Variants in MAGEB10 observed in about 807,000 individuals in gnomAD.
MAGEB10 encodes MAGE family member B10.
For synonymous variants in MAGEB10, 99 were observed against 101.0 expected (o/e 0.98, Z 0.12); for missense variants, 190 against 261.9 (o/e 0.73, Z 1.89).
chrX:27,815,223 T>C (rs752797307), intron 1 of MAGEB10, among the ~76,000 whole-genome samples: 2 of 112,387 alleles, frequency 1.8e-5, no homozygotes, highest in African/African-American at 3.2e-5. Context: ...CTGCTCCCTA[T>C]GGGAAAGAAA....
rs1923881959 is a variant in MAGEB10 at position 27,821,368 on chromosome X, G to A, written c.62G>A (p.Gly21Glu). Residue 21 changes from glycine (G) to glutamate (E), a missense_variant, in exon 3 of 3, where the codon GGG (glycine) becomes GAG (glutamate). By Grantham distance (98) the Gly-to-Glu change is moderately conservative. Coordinates refer to ENST00000356790, the MANE Select transcript of MAGEB10 (RefSeq NM_182506.3). ...GAAAAACGCCGTCAGGCCCGAGGAG[G>A]GCTGGAAGATTTGATAGATGCTCTG... ...AREKRRQARG[G>E]LEDLIDALDI... 1 of 1,209,913 alleles carries A rather than the reference G, an allele frequency of 8.3e-7. No homozygotes were observed. The highest frequency in any genetic ancestry group is 1.8e-5 in the African/African-American group (1 of 57,114).
chrX:27,815,552 CTTAT>C (rs948410842), intron 1 of MAGEB10, among the ~76,000 whole-genome samples: 2 of 111,919 alleles, frequency 1.8e-5, no homozygotes, highest in African/African-American at 6.5e-5. Flanking sequence ...AATCTGGTGA[CTTAT>C]TTGAGACTAG....
Sources: allele counts gnomAD v4.1 joint callset (sites outside exome capture counted in the v4.1 genomes callset), GRCh38; gene constraint gnomAD v4.1.1; transcripts MANE v1.5; gene names NCBI Gene and HGNC (gene_info 2026-07-23, HGNC 2026-07-21).